SORCS3: variants seen among roughly 807,000 people sequenced by gnomAD.
SORCS3 encodes sortilin related VPS10 domain containing receptor 3.
SORCS3 carries 57 observed loss-of-function variants against 146.3 expected under a neutral mutation model. The ratio of observed to expected loss-of-function variants is 0.39; its 90% confidence interval spans 0.31 to 0.49. The LOEUF (loss-of-function observed/expected upper bound fraction) is 0.49. Ranked by LOEUF, SORCS3 falls within the 20% of genes least tolerant of loss-of-function variation. The pLI is 0.92. For missense variants in SORCS3, 1,341 were observed against 1,575.5 expected (o/e 0.85, Z 2.52); for synonymous variants, 653 against 618.5 (o/e 1.06, Z -0.83).
chr10:105,076,479 T>C (rs574601286), intron 5 of SORCS3, among the ~76,000 whole-genome samples: 1 of 152,266 alleles, frequency 6.6e-6, no homozygotes, highest in East Asian at 1.9e-4. Flanking sequence ...ACTTGCATAC[T>C]CTCCACTTTA....
chr10:104,759,152 A>G (rs1316979791), intron 1 of SORCS3, among the ~76,000 whole-genome samples: 1 of 152,178 alleles, frequency 6.6e-6, no homozygotes, highest in Non-Finnish European at 1.5e-5. Flanking sequence ...TGTGAACATT[A>G]AGGCAGAGAT....
In SORCS3 at chr10:105,139,479, T is replaced by C; in HGVS notation, c.1295T>C (p.Leu432Ser). Residue 432 changes from leucine to serine, a missense_variant, in exon 8 of 27, where the codon TTG (leucine) becomes TCG (serine). Leu to Ser is a moderately radical substitution (Grantham distance 145, BLOSUM62 -2). Coordinates refer to ENST00000369701, the MANE Select transcript of SORCS3 (RefSeq NM_014978.3). ...CAGATAAAGCTGCCTAAGTACTCGTTGCCAAAGGTACTGCATGCACCACTA... is the reference window on the plus strand; with the variant it reads ...CAGATAAAGCTGCCTAAGTACTCGTCGCCAAAGGTACTGCATGCACCACTA... ...FAQIKLPKYSLPKDMHIISTD... is the reference protein window; with the variant it reads ...FAQIKLPKYSSPKDMHIISTD... 1 of 1,613,194 alleles carries C rather than the reference T, an allele frequency of 6.2e-7. No homozygotes were observed. Among genetic ancestry groups the C allele is most frequent in the Non-Finnish European group, 8.5e-7 (1 of 1,179,264 alleles).
chr10:105,260,371 T>C (rs1277362565), intron 25 of SORCS3, among the ~76,000 whole-genome samples: 1 of 152,224 alleles, frequency 6.6e-6, no homozygotes, highest in Non-Finnish European at 1.5e-5. Flanking sequence ...ATCTCAGTTA[T>C]TAGACTGTAT....
intron 1 of SORCS3, among the ~76,000 whole-genome samples, chr10:104,797,813 T>G (rs2017574762): frequency 6.6e-6 from 1 of 152,118 alleles, no homozygotes; most frequent in East Asian, 1.9e-4. Context: ...TGCAAGACAC[T>G]TCCAAAGATA....
rs941531689 is a variant in SORCS3, at chr10:104,720,770, T to C, written c.627+78816T>C. Among the ~76,000 whole-genome samples, 5 of 152,386 alleles carry C rather than the reference T, an allele frequency of 3.3e-5. No homozygotes were observed. The East Asian group carries it at 9.6e-4, about 29-fold the overall frequency. ...CATGTGTCTGTTGGCTGCATAAATGTCTTCTTTTGAGAAGTGTCTGTTCAT... is the reference window on the plus strand; with the variant it reads ...CATGTGTCTGTTGGCTGCATAAATGCCTTCTTTTGAGAAGTGTCTGTTCAT... On this transcript the variant is annotated intron_variant, in intron 1 of 26. Transcript: ENST00000369701.
At chr10:104,975,745 G>A (rs1268226908) in intron 3 of SORCS3, among the ~76,000 whole-genome samples, 1 of 152,130 alleles carries the variant, frequency 6.6e-6, no homozygotes, top group Non-Finnish European at 1.5e-5. Flanking sequence ...AGAGCCCTCA[G>A]AAATAAAGCC....
At chr10:105,100,295 G>T (rs923495822) in intron 6 of SORCS3, among the ~76,000 whole-genome samples, 5 of 152,152 alleles carry the variant, frequency 3.3e-5, no homozygotes, top group African/African-American at 1.2e-4. Flanking sequence ...TAAGCATGAA[G>T]ATTATTTAGG....
chr10:104,770,164 A>G (rs1048322881), intron 1 of SORCS3, among the ~76,000 whole-genome samples: 1 of 152,172 alleles, frequency 6.6e-6, no homozygotes, highest in Non-Finnish European at 1.5e-5. Flanking sequence ...TACGTGAGGA[A>G]CAAATCTGGA....
chr10:104,969,442 A>G (rs1455603163), intron 3 of SORCS3, among the ~76,000 whole-genome samples: 4 of 151,986 alleles, frequency 2.6e-5, no homozygotes, highest in African/African-American at 7.3e-5. Context: ...TTATCTGTAA[A>G]ATATAACTCA....
intron 6 of SORCS3, among the ~76,000 whole-genome samples, chr10:105,100,858 A>G (rs1174530100): frequency 6.6e-6 from 1 of 152,258 alleles, no homozygotes; most frequent in Non-Finnish European, 1.5e-5. Flanking sequence ...ACAATGTGCT[A>G]AACAATTTTC....
intron 1 of SORCS3, among the ~76,000 whole-genome samples, chr10:104,710,322 C>T (rs999863004): frequency 5.9e-5 from 9 of 152,186 alleles, no homozygotes; most frequent in African/African-American, 1.9e-4. Context: ...TGGCAGTCAC[C>T]TGTGCTGGGG....
intron 5 of SORCS3, among the ~76,000 whole-genome samples, chr10:105,071,584 G>A (rs191513875): frequency 1.2e-3 from 179 of 152,312 alleles, no homozygotes; most frequent in Non-Finnish European, 2.2e-3. Context: ...CACGTGAGAT[G>A]TTTTGATACA....
At position 104,746,670 on chromosome 10, in the gene SORCS3, C is replaced by T. The variant is rs572522939; in HGVS notation, c.628-96122C>T. Among the ~76,000 whole-genome samples the T allele has an allele frequency of 1.6e-4, 24 of 152,266 alleles. No homozygotes were observed. The Middle Eastern group carries it at 0.024, about 151-fold the overall frequency. ...CACCATCTCTCCTTTCCTCATCCACCCGCTCCCCCAGGTTCTGTAACCCTC... is the reference window on the plus strand; with the variant it reads ...CACCATCTCTCCTTTCCTCATCCACTCGCTCCCCCAGGTTCTGTAACCCTC... On this transcript the variant is annotated intron_variant, in intron 1 of 26. Coordinates refer to ENST00000369701, the MANE Select transcript of SORCS3 (RefSeq NM_014978.3).
chr10:104,810,704 C>T (rs185849540), intron 1 of SORCS3, among the ~76,000 whole-genome samples: 13 of 152,216 alleles, frequency 8.5e-5, no homozygotes, highest in African/African-American at 1.4e-4. Flanking sequence ...AAAAGATTTC[C>T]GATAGATATT....
intron 14 of SORCS3, among the ~76,000 whole-genome samples, chr10:105,191,876 G>A (rs893024963): frequency 3.3e-5 from 5 of 152,096 alleles, no homozygotes; most frequent in East Asian, 1.9e-4. Context: ...CCTGCTGTGC[G>A]GCCCTGTTCC....
chr10:105,213,028 T>G (rs557875709), intron 17 of SORCS3, among the ~76,000 whole-genome samples: 1 of 152,320 alleles, frequency 6.6e-6, no homozygotes, highest in African/African-American at 2.4e-5. Context: ...TCCAAAATAT[T>G]ATCATTTCAA....
intron 1 of SORCS3, among the ~76,000 whole-genome samples, chr10:104,802,154 A>G (rs1432296221): frequency 6.6e-6 from 1 of 152,206 alleles, no homozygotes; most frequent in African/African-American, 2.4e-5. Flanking sequence ...ATTTTCGGTA[A>G]TGACCTAGAA....
At chr10:104,813,045 C>T (rs982028835) in intron 1 of SORCS3, among the ~76,000 whole-genome samples, 45 of 152,190 alleles carry the variant, frequency 3.0e-4, no homozygotes, top group Non-Finnish European at 1.3e-4. Context: ...TTTTCTTACT[C>T]CATGGCCTAC....
chr10:104,674,914 G>C (rs1436625544), intron 1 of SORCS3, among the ~76,000 whole-genome samples: 2 of 152,068 alleles, frequency 1.3e-5, no homozygotes, highest in African/African-American at 4.8e-5. Context: ...CATCTGACTT[G>C]TTTCCAATTT....
Sources: allele counts gnomAD v4.1 joint callset (sites outside exome capture counted in the v4.1 genomes callset), GRCh38; gene constraint gnomAD v4.1.1; transcripts MANE v1.5; gene names NCBI Gene and HGNC (gene_info 2026-07-23, HGNC 2026-07-21).